RASEF: variants seen among roughly 807,000 people sequenced by gnomAD.
The protein encoded by RASEF is ras and EF-hand domain-containing protein.
RASEF carries 68 observed loss-of-function variants against 90.1 expected under a neutral mutation model. The ratio of observed to expected loss-of-function variants is 0.75; its 90% CI spans 0.62 to 0.92. The LOEUF is 0.92. Among genes scored for constraint, RASEF ranks in the 40% least tolerant of loss-of-function variants. The pLI is 0.00. For synonymous variants in RASEF, 331 were observed against 345.2 expected, an observed-to-expected ratio of 0.96 and a Z score of 0.46; for missense variants, 949 against 937.2, an observed-to-expected ratio of 1.01 and a Z score of -0.16.
the RASEF span, among the ~76,000 whole-genome samples, chr9:83,131,793 T>C: frequency 6.6e-6 from 1 of 152,178 alleles, no homozygotes; most frequent in Admixed American, 6.5e-5. Flanking sequence ...AAAATAATGG[T>C]ACCTTTTAAT....
chr9:83,037,744 ATTTTT>A (rs35483330), intron 1 of RASEF, among the ~76,000 whole-genome samples: 30 of 131,866 alleles, frequency 2.3e-4, no homozygotes, highest in Middle Eastern at 8.8e-3. Context: ...TAAATGTCCT[ATTTTT>A]TTTTTTTTTT....
chr9:83,030,568 C>A (rs1054266875), intron 1 of RASEF, among the ~76,000 whole-genome samples: 1 of 152,160 alleles, frequency 6.6e-6, no homozygotes, highest in Non-Finnish European at 1.5e-5. Context: ...TACAGTGAAG[C>A]ATACAAATAG....
the RASEF span, among the ~76,000 whole-genome samples, chr9:83,160,044 A>G: frequency 6.6e-6 from 1 of 152,244 alleles, no homozygotes; most frequent in Non-Finnish European, 1.5e-5. Context: ...TGTAAGTCCA[A>G]TAAACCTCTT....
intron 1 of RASEF, among the ~76,000 whole-genome samples, chr9:83,061,820 C>A (rs1356106588): frequency 3.9e-5 from 6 of 152,222 alleles, no homozygotes; most frequent in African/African-American, 1.4e-4. Context: ...TTTAACTGGG[C>A]AAGTCCCTTA....
chr9:83,073,501 G>A, the RASEF span, among the ~76,000 whole-genome samples: 1 of 152,070 alleles, frequency 6.6e-6, no homozygotes, highest in East Asian at 1.9e-4. Flanking sequence ...CCCAGTGAAG[G>A]CAGTGTACAA....
rs981166335 is a variant in RASEF, at chr9:82,981,278, T to C, written c.*1399A>G. 1.3e-5 allele frequency: 2 copies of C among 152,016 alleles called. No homozygotes were observed. Among genetic ancestry groups the C allele is most frequent in the African/African-American group, 2.4e-5 (1 of 41,418 alleles). 9.4% of individuals were successfully genotyped at this position (152,016 alleles called of 1,614,324 possible). On this transcript the variant is annotated 3_prime_UTR_variant, in exon 17 of 17. Coordinates refer to ENST00000376447, the MANE Select transcript of RASEF (RefSeq NM_152573.4). ...TCTTAGAGGCATCTCAGTGGGGAGG[T>C]CTGGGAAGCAATGCAGGTTCTGGAA... is the stretch of plus-strand genomic sequence containing the variant.
At chr9:83,129,969 T>G in the RASEF span, among the ~76,000 whole-genome samples, 849 of 152,384 alleles carry the variant, frequency 5.6e-3, 8 homozygotes, top group African/African-American at 0.02. Context: ...ATGTCTGCTG[T>G]ATCCATGAGA....
Position 83,062,560 on chromosome 9 carries a change from T to C in RASEF, c.308A>G (p.Glu103Gly). 1 of 1,597,874 alleles carries C rather than the reference T, an allele frequency of 6.3e-7. No homozygotes were observed. The highest frequency in any genetic ancestry group is 8.5e-7 in the Non-Finnish European group (1 of 1,172,338). Residue 103 changes from glutamate to glycine, a missense_variant, in exon 1 of 17, where the codon GAG becomes GGG. Physicochemically the swap from Glu to Gly is moderately conservative, Grantham distance 98. Coordinates refer to ENST00000376447, the MANE Select transcript of RASEF (RefSeq NM_152573.4). ...SEAGPETHDS[E>G]EDEGDEDAAA... ...CGCGTCCTCGTCGCCTTCGTCCTCC[T>C]CGCTGTCGTGTGTCTCCGGCCCCGC...
chr9:83,160,769 G>T, the RASEF span, among the ~76,000 whole-genome samples: 1 of 152,150 alleles, frequency 6.6e-6, no homozygotes, highest in African/African-American at 2.4e-5. Flanking sequence ...GGAAAAAATT[G>T]TTTCATGAGC....
At chr9:83,151,720 A>G in the RASEF span, among the ~76,000 whole-genome samples, 1 of 152,170 alleles carries the variant, frequency 6.6e-6, no homozygotes, top group East Asian at 1.9e-4. Flanking sequence ...TTAAGAAGAC[A>G]TCATCCTTCC....
intron 1 of RASEF, among the ~76,000 whole-genome samples, chr9:83,060,887 GATA>G (rs1167422359): frequency 1.3e-5 from 2 of 151,668 alleles, no homozygotes; most frequent in Non-Finnish European, 3.0e-5. Flanking sequence ...AAGGCAACAT[GATA>G]ATAATAATTC....
chr9:83,093,155 C>T, the RASEF span, among the ~76,000 whole-genome samples: 4 of 152,072 alleles, frequency 2.6e-5, no homozygotes, highest in Admixed American at 2.0e-4. Flanking sequence ...TACAGAGTGC[C>T]GATTGGTGTA....
At chr9:83,149,477 A>G in the RASEF span, among the ~76,000 whole-genome samples, 4 of 152,140 alleles carry the variant, frequency 2.6e-5, no homozygotes, top group African/African-American at 4.8e-5. Context: ...ACCCATGGAG[A>G]CTGCCCCAGG....
chr9:83,058,657 A>C (rs1405556346), intron 1 of RASEF, among the ~76,000 whole-genome samples: 1 of 152,160 alleles, frequency 6.6e-6, no homozygotes, highest in Non-Finnish European at 1.5e-5. Context: ...AACCCTCACC[A>C]ATACTGAAAC....
chr9:83,002,007 C>A (rs1407278817), intron 9 of RASEF, among the ~76,000 whole-genome samples: 1 of 152,164 alleles, frequency 6.6e-6, no homozygotes, highest in Non-Finnish European at 1.5e-5. Flanking sequence ...AAATTCACAT[C>A]AAATAAGAGA....
At chr9:83,098,951 C>T in the RASEF span, among the ~76,000 whole-genome samples, 6 of 152,166 alleles carry the variant, frequency 3.9e-5, no homozygotes, top group Non-Finnish European at 8.8e-5. Context: ...GAACTGAACA[C>T]AGACCCAGAT....
At chr9:83,059,183 G>A (rs927065143) in intron 1 of RASEF, among the ~76,000 whole-genome samples, 3 of 151,792 alleles carry the variant, frequency 2.0e-5, no homozygotes, top group African/African-American at 7.3e-5. Flanking sequence ...AATGGGAGTT[G>A]AGAAAAAACT....
At chr9:83,003,058 G>T (rs544247000) in intron 9 of RASEF, among the ~76,000 whole-genome samples, 1 of 151,838 alleles carries the variant, frequency 6.6e-6, no homozygotes, top group African/African-American at 2.4e-5. Flanking sequence ...TTCTTGCGAA[G>T]AACAAAGCCA....
At chr9:83,021,438 G>GC (rs1829442291) in intron 3 of RASEF, among the ~76,000 whole-genome samples, 1 of 152,080 alleles carries the variant, frequency 6.6e-6, no homozygotes, top group South Asian at 2.1e-4. Flanking sequence ...TCTATTTTCT[G>GC]TTTTCAATAA....
Sources: gnomAD v4.1 joint callset for allele counts (sites outside exome capture counted in the v4.1 genomes callset) on GRCh38, gnomAD v4.1.1 for gene constraint, MANE v1.5 for transcripts, NCBI Gene and HGNC (gene_info 2026-07-23, HGNC 2026-07-21) for gene names.